The following EIF4G3 variants were observed in gnomAD, a reference collection of about 807,000 sequenced individuals.
EIF4G3 encodes the protein eIF-4-gamma 3.
In EIF4G3, 34 loss-of-function variants were observed where a neutral mutation model predicts 186.4. That is an observed-to-expected ratio of 0.18 (90% confidence interval 0.14 to 0.24). The LOEUF is 0.24. Among genes scored for constraint, EIF4G3 ranks in the 10% least tolerant of loss-of-function variants. The pLI is 1.00. For missense variants in EIF4G3, 1,536 were observed against 1,948.5 expected (o/e 0.79, Z 3.99); for synonymous variants, 673 against 679.5 (o/e 0.99, Z 0.15).
intron 7 of EIF4G3, among the ~76,000 whole-genome samples, chr1:20,992,873 A>G (rs2081418343): frequency 6.6e-6 from 1 of 152,188 alleles, no homozygotes; most frequent in Admixed American, 6.5e-5. Context: ...ACACAAAATA[A>G]ACAACACAGG....
chr1:21,030,666 A>G (rs768345406), intron 4 of EIF4G3, among the ~76,000 whole-genome samples: 2 of 152,248 alleles, frequency 1.3e-5, no homozygotes, highest in Non-Finnish European at 2.9e-5. Context: ...TAAGTAATTT[A>G]AAATTTTCTA....
intron 16 of EIF4G3, 129 bp from the exon 17 acceptor site, chr1:20,895,630 T>C (rs1232997520): frequency 1.9e-6 from 2 of 1,026,792 alleles, no homozygotes; most frequent in Admixed American, 2.5e-5. Flanking sequence ...CCCATAAGGC[T>C]ATAATGAAGC....
At chr1:20,829,561 C>T (rs1407142534) in intron 30 of EIF4G3, among the ~76,000 whole-genome samples, 1 of 152,112 alleles carries the variant, frequency 6.6e-6, no homozygotes. Flanking sequence ...ATAAAGGTGA[C>T]ATTTGAAAGC....
At chr1:21,141,589 C>T (rs1027893518) in intron 2 of EIF4G3, among the ~76,000 whole-genome samples, 12 of 151,698 alleles carry the variant, frequency 7.9e-5, no homozygotes, top group African/African-American at 2.7e-4. Flanking sequence ...ACAGATCCAA[C>T]CCTGTAGGAG....
chr1:21,175,235 G>A (rs1472976441), intron 2 of EIF4G3: 1 of 152,150 alleles, frequency 6.6e-6, no homozygotes, highest in Non-Finnish European at 1.5e-5. Flanking sequence ...TGGAATACAT[G>A]AATTCAACGT....
chr1:20,953,553 C>A (rs1348164826), intron 12 of EIF4G3, among the ~76,000 whole-genome samples: 2 of 152,160 alleles, frequency 1.3e-5, no homozygotes, highest in African/African-American at 4.8e-5. Context: ...ATTAAGTAAA[C>A]AGGCAACAGA....
chr1:20,957,920 A>T (rs2096476617), intron 12 of EIF4G3, among the ~76,000 whole-genome samples: 1 of 152,068 alleles, frequency 6.6e-6, no homozygotes, highest in South Asian at 2.1e-4. Flanking sequence ...TTTCCAACAC[A>T]CAAAAAAAGC....
intron 14 of EIF4G3, among the ~76,000 whole-genome samples, chr1:20,940,255 C>T (rs2095666283): frequency 6.6e-6 from 1 of 152,172 alleles, no homozygotes; most frequent in African/African-American, 2.4e-5. Context: ...ACTATGAATA[C>T]TGATGTCAAT....
At chr1:21,131,243 A>AG (rs985638857) in intron 2 of EIF4G3, among the ~76,000 whole-genome samples, 3 of 151,072 alleles carry the variant, frequency 2.0e-5, no homozygotes, top group Non-Finnish European at 3.0e-5. Context: ...CTGCCTCAAA[A>AG]AAAAAAAAAA....
At position 21,134,603 on chromosome 1, in the gene EIF4G3, A is replaced by G. The variant is rs544078056; in HGVS notation, c.-272+41572T>C. ...AGAATCACTTGAGCCCGGGAGGCGG[A>G]GGTTGCAGTGAGCTGAGATCGCACC... On this transcript the variant is annotated intron_variant, in intron 2 of 36. Coordinates refer to ENST00000602326, the MANE Select transcript of EIF4G3 (RefSeq NM_001391906.1). 3.3e-5 allele frequency among the ~76,000 whole-genome samples: 5 copies of G among 152,294 alleles called. No homozygotes were observed. In the South Asian group the frequency reaches 8.3e-4, roughly 25 times the overall value.
chr1:21,016,062 C>G (rs2088918727), intron 4 of EIF4G3, among the ~76,000 whole-genome samples: 1 of 152,026 alleles, frequency 6.6e-6, no homozygotes, highest in Admixed American at 6.6e-5. Context: ...AGTTTTTATT[C>G]TTTTACAGGA....
chr1:21,121,945 A>C (rs1386150435), intron 2 of EIF4G3, among the ~76,000 whole-genome samples: 2 of 152,114 alleles, frequency 1.3e-5, no homozygotes, highest in African/African-American at 4.8e-5. Flanking sequence ...AGGTTACCTT[A>C]TGAGGTAATG....
chr1:21,125,786 A>G (rs2097027155), intron 2 of EIF4G3, among the ~76,000 whole-genome samples: 1 of 40,738 alleles, frequency 2.5e-5, no homozygotes, highest in Non-Finnish European at 6.5e-5. Flanking sequence ...ACACACACAC[A>G]CACACACACA....
intron 12 of EIF4G3, among the ~76,000 whole-genome samples, chr1:20,952,498 G>A (rs1417673995): frequency 6.6e-6 from 1 of 152,082 alleles, no homozygotes; most frequent in Non-Finnish European, 1.5e-5. Flanking sequence ...TTTAATTTAG[G>A]ATAATCTTGT....
intron 2 of EIF4G3, among the ~76,000 whole-genome samples, chr1:21,128,785 T>C (rs1377982000): frequency 6.6e-6 from 1 of 152,216 alleles, no homozygotes; most frequent in Admixed American, 6.5e-5. Context: ...CAACTTTGAA[T>C]GTTTCTTGCA....
Position 20,864,787 on chromosome 1 carries a change from G to A in EIF4G3, c.2770-75C>T. 2.4e-6 allele frequency: 3 copies of A among 1,229,722 alleles called. No individual in the cohort carries two copies. In the Admixed American group the frequency reaches 5.7e-5, roughly 23 times the overall value. The allele number at this position is 1,229,722 out of a possible 1,614,324, so 76.2% of individuals were successfully genotyped here. On this transcript the variant is annotated intron_variant, in intron 21 of 36. Coordinates refer to ENST00000602326, the MANE Select transcript of EIF4G3 (RefSeq NM_001391906.1). ...CACAATAAACACTGAGATTCATGGG[G>A]TCAGAATCCCCGTGAGAATCTGATA...
intron 3 of EIF4G3, among the ~76,000 whole-genome samples, chr1:21,074,073 A>T (rs1399597435): frequency 3.9e-5 from 6 of 152,212 alleles, no homozygotes; most frequent in African/African-American, 1.4e-4. Flanking sequence ...TGGCTAGATG[A>T]ATAAATATTA....
chr1:20,857,185 T>C (rs957890301), intron 25 of EIF4G3, among the ~76,000 whole-genome samples: 5 of 59,426 alleles, frequency 8.4e-5, no homozygotes, highest in Admixed American at 5.2e-4. Flanking sequence ...AAAAAGAAAA[T>C]GTAGAAATGA....
At chr1:20,862,989 A>G (rs778113825) in intron 22 of EIF4G3, among the ~76,000 whole-genome samples, 3 of 151,976 alleles carry the variant, frequency 2.0e-5, no homozygotes, top group Non-Finnish European at 2.9e-5. Flanking sequence ...AAATCTCACT[A>G]TGTTACCCAG....
Sources: gnomAD v4.1 joint callset for allele counts (sites outside exome capture counted in the v4.1 genomes callset) on GRCh38, gnomAD v4.1.1 for gene constraint, MANE v1.5 for transcripts, NCBI Gene and HGNC (gene_info 2026-07-23, HGNC 2026-07-21) for gene names.